Variants in KHDRBS2 observed in about 807,000 individuals in gnomAD.
KHDRBS2 encodes the protein KH RNA binding domain containing, signal transduction associated 2.
A neutral mutation model predicts 44.3 loss-of-function variants in KHDRBS2; 26 were observed. The observed-to-expected ratio is 0.59, with a 90% CI of 0.43 to 0.81. The LOEUF is 0.81. Ranked by LOEUF, KHDRBS2 falls within the 40% of genes least tolerant of loss-of-function variation. The probability of loss-of-function intolerance (pLI) is 0.00; values close to 1 mark genes in which losing one functional copy is unlikely to be tolerated. For missense variants in KHDRBS2, 476 were observed against 433.1 expected, an observed-to-expected ratio of 1.10 and a Z score of -0.88; for synonymous variants, 194 against 151.1, an observed-to-expected ratio of 1.28 and a Z score of -2.08.
intron 1 of KHDRBS2, among the ~76,000 whole-genome samples, chr6:62,217,312 T>C (rs893532083): frequency 1.3e-5 from 2 of 151,790 alleles, no homozygotes; most frequent in African/African-American, 4.8e-5. Flanking sequence ...TAGAAGCCTT[T>C]CACAACTGGG....
At chr6:61,579,787 G>C in the KHDRBS2 span, among the ~76,000 whole-genome samples, 4 of 152,034 alleles carry the variant, frequency 2.6e-5, no homozygotes, top group African/African-American at 9.7e-5. Context: ...GCTGGGTGTG[G>C]TGGCTCATGC....
intron 4 of KHDRBS2, among the ~76,000 whole-genome samples, chr6:61,938,115 C>CATAAAT (rs1376351777): frequency 7.2e-5 from 11 of 152,078 alleles, no homozygotes; most frequent in South Asian, 4.1e-4. Flanking sequence ...GGAGTCTAGG[C>CATAAAT]ATAAATATAA....
the KHDRBS2 span, among the ~76,000 whole-genome samples, chr6:61,606,387 G>A: frequency 3.9e-5 from 6 of 152,074 alleles, no homozygotes; most frequent in Admixed American, 2.6e-4. Flanking sequence ...AAAAATGAAC[G>A]GGCCAAGGGA....
intron 1 of KHDRBS2, among the ~76,000 whole-genome samples, chr6:62,222,666 C>T (rs1320930344): frequency 6.6e-6 from 1 of 152,104 alleles, no homozygotes; most frequent in East Asian, 1.9e-4. Flanking sequence ...CATGTCCTTG[C>T]ATTTCAAAGT....
At chr6:61,957,762 T>C (rs1323905158) in intron 4 of KHDRBS2, among the ~76,000 whole-genome samples, 1 of 152,156 alleles carries the variant, frequency 6.6e-6, no homozygotes, top group African/African-American at 2.4e-5. Context: ...CCTTGTGATA[T>C]CTTATTACCT....
chr6:62,096,808 G>T (rs1800711355), intron 2 of KHDRBS2, among the ~76,000 whole-genome samples: 1 of 151,552 alleles, frequency 6.6e-6, no homozygotes, highest in Admixed American at 6.6e-5. Context: ...ACATTAGGTT[G>T]TTTATTTTAT....
the KHDRBS2 span, among the ~76,000 whole-genome samples, chr6:61,634,882 C>T: frequency 6.6e-6 from 1 of 152,038 alleles, no homozygotes; most frequent in Non-Finnish European, 1.5e-5. Context: ...TGGCTTATTG[C>T]AGCAGCCTCT....
intron 3 of KHDRBS2, among the ~76,000 whole-genome samples, chr6:61,980,597 A>G (rs1029745621): frequency 6.6e-6 from 1 of 152,198 alleles, no homozygotes; most frequent in Non-Finnish European, 1.5e-5. Context: ...ATTGATGCCC[A>G]TTTATCAAAC....
At chr6:61,572,313 T>C in the KHDRBS2 span, among the ~76,000 whole-genome samples, 141 of 152,124 alleles carry the variant, frequency 9.3e-4, no homozygotes, top group African/African-American at 3.2e-3. Context: ...AGTAGCGAGA[T>C]TGAATCAGTA....
intron 2 of KHDRBS2, among the ~76,000 whole-genome samples, chr6:62,125,824 A>G (rs1808826957): frequency 6.6e-6 from 1 of 152,136 alleles, no homozygotes; most frequent in African/African-American, 2.4e-5. Flanking sequence ...CTCTGATCCT[A>G]AATAAGCAGC....
chr6:61,702,504 A>G (rs1473535593), intron 7 of KHDRBS2, among the ~76,000 whole-genome samples: 1 of 151,986 alleles, frequency 6.6e-6, no homozygotes, highest in South Asian at 2.1e-4. Flanking sequence ...TATAGTTGGC[A>G]ATTAATACAA....
Position 61,996,789 on chromosome 6 carries a change from C to T in KHDRBS2, c.337-18577G>A, listed in dbSNP as rs75069400. On this transcript the variant is annotated intron_variant, in intron 3 of 8. Coordinates refer to ENST00000281156, the MANE Select transcript of KHDRBS2 (RefSeq NM_152688.4). ...ACACTCTCTTTTACCCCTCCTCCCC[C>T]CCTCACCCCCCCGAGATAGAGTCTT... is the stretch of plus-strand genomic sequence containing the variant. 3.9e-3 allele frequency among the ~76,000 whole-genome samples: 583 copies of T among 149,348 alleles called. 9 individuals carry two copies. Among genetic ancestry groups the T allele is most frequent in the Non-Finnish European group, 4.7e-3 (316 of 67,252 alleles).
At chr6:62,013,293 G>T (rs1000118284) in intron 3 of KHDRBS2, among the ~76,000 whole-genome samples, 2 of 152,034 alleles carry the variant, frequency 1.3e-5, no homozygotes, top group Admixed American at 6.6e-5. Context: ...AACATGAATA[G>T]AATTTATTGA....
intron 2 of KHDRBS2, among the ~76,000 whole-genome samples, chr6:62,118,490 A>G (rs1166483374): frequency 4.6e-5 from 7 of 152,162 alleles, no homozygotes; most frequent in Non-Finnish European, 8.8e-5. Flanking sequence ...ACTTTAGGTA[A>G]CATTTTCCTT....
At chr6:61,678,672 T>C (rs2127536716), downstream of KHDRBS2, among the ~76,000 whole-genome samples, 1 of 152,076 alleles carries the variant, frequency 6.6e-6, no homozygotes, top group South Asian at 2.1e-4. Context: ...AGCTTCTGAT[T>C]AAATTCACAA....
At chr6:61,672,235 C>T in the KHDRBS2 span, among the ~76,000 whole-genome samples, 10 of 151,460 alleles carry the variant, frequency 6.6e-5, no homozygotes, top group African/African-American at 1.7e-4. Flanking sequence ...TTTCTTAATC[C>T]AGTCTATCAT....
At chr6:61,843,129 C>G (rs1473734900) in intron 6 of KHDRBS2, among the ~76,000 whole-genome samples, 1 of 151,798 alleles carries the variant, frequency 6.6e-6, no homozygotes, top group Non-Finnish European at 1.5e-5. Context: ...CCAGAATAGG[C>G]AGATTCACAA....
At chr6:61,927,210 G>T (rs1428828900) in intron 4 of KHDRBS2, among the ~76,000 whole-genome samples, 4 of 151,944 alleles carry the variant, frequency 2.6e-5, no homozygotes, top group Non-Finnish European at 5.9e-5. Context: ...AAGGTCCTTA[G>T]GAGAATAAAT....
chr6:61,930,546 G>GAAAAAAAAAAAAAAAAAAAAAAAAAAAAA (rs1439236595), intron 4 of KHDRBS2, among the ~76,000 whole-genome samples: 4 of 47,574 alleles, frequency 8.4e-5, no homozygotes, highest in Non-Finnish European at 1.3e-4. Context: ...AAAAAAAAAA[G>GAAAAAAAAAAAAAAAAAAAAAAAAAAAAA]AAAAAAAAAA....
Sources: allele counts gnomAD v4.1 joint callset (sites outside exome capture counted in the v4.1 genomes callset), GRCh38; gene constraint gnomAD v4.1.1; transcripts MANE v1.5; gene names NCBI Gene and HGNC (gene_info 2026-07-23, HGNC 2026-07-21).